STAU2: variants seen among roughly 807,000 people sequenced by gnomAD.
STAU2 encodes the protein staufen double-stranded RNA binding protein 2.
A neutral mutation model predicts 65.9 loss-of-function variants in STAU2; 20 were observed. The observed-to-expected ratio is 0.30, with a 90% CI of 0.21 to 0.44. The LOEUF is 0.44. Among genes scored for constraint, STAU2 ranks in the 20% least tolerant of loss-of-function variants. STAU2 has a pLI of 1.00. For synonymous variants in STAU2, 232 were observed against 233.9 expected, an observed-to-expected ratio of 0.99 and a Z score of 0.07; for missense variants, 558 against 683.9, an observed-to-expected ratio of 0.82 and a Z score of 2.05.
At chr8:73,717,928 G>C (rs1821369000) in intron 3 of STAU2, among the ~76,000 whole-genome samples, 1 of 152,132 alleles carries the variant, frequency 6.6e-6, no homozygotes, top group Non-Finnish European at 1.5e-5. Context: ...TGCAAAGATT[G>C]AAATATAAGT....
intron 14 of STAU2, 150 bp downstream of exon 14, chr8:73,422,464 G>C (rs995200939): frequency 1.7e-6 from 1 of 598,632 alleles, no homozygotes; most frequent in African/African-American, 2.0e-5. Context: ...CATATATACT[G>C]GTTTTCATTT....
chr8:73,530,266 G>C (rs549351410), intron 13 of STAU2, among the ~76,000 whole-genome samples: 24 of 152,298 alleles, frequency 1.6e-4, no homozygotes, highest in Non-Finnish European at 2.9e-4. Context: ...TAATCTCAGT[G>C]AGATTTTCTC....
chr8:73,740,109 A>T (rs1348684657), intron 1 of STAU2, among the ~76,000 whole-genome samples: 1 of 152,210 alleles, frequency 6.6e-6, no homozygotes, highest in Admixed American at 6.5e-5. Flanking sequence ...AGCCACATGA[A>T]TGAGTTCAGA....
intron 6 of STAU2, among the ~76,000 whole-genome samples, chr8:73,618,670 T>C (rs1051743898): frequency 2.0e-5 from 3 of 152,306 alleles, no homozygotes; most frequent in South Asian, 4.2e-4. Flanking sequence ...CTGACTACTA[T>C]TTTGAGGACA....
chr8:73,650,995 G>C (rs1007001276), intron 6 of STAU2, among the ~76,000 whole-genome samples: 9 of 152,198 alleles, frequency 5.9e-5, no homozygotes, highest in Non-Finnish European at 1.3e-4. Context: ...TCCTGCCCCT[G>C]GCCAGCCCTG....
chr8:73,492,506 T>C (rs1040944785), intron 13 of STAU2, among the ~76,000 whole-genome samples: 1 of 151,854 alleles, frequency 6.6e-6, no homozygotes, highest in Non-Finnish European at 1.5e-5. Flanking sequence ...AAATACTTTC[T>C]ACATGATTCA....
In STAU2 at chr8:73,471,817, TA is replaced by T. The variant is rs569600617; in HGVS notation, c.1531-49116del. On this transcript the variant is annotated intron_variant, in intron 13 of 14. Transcript: ENST00000524300. The stretch of plus-strand genomic sequence containing the variant: ...TGGGCAACAAGGGCGAGACTCCAAC[TA>T]AAAAAAAAAAAAAAAAAAAGAGAGA... 2.4e-3 allele frequency among the ~76,000 whole-genome samples: 207 copies of T among 86,808 alleles called. 1 individual carries two copies. Among genetic ancestry groups the T allele is most frequent in the Non-Finnish European group, 2.9e-3 (136 of 47,078 alleles). 56.9% of individuals were successfully genotyped at this position (86,808 alleles called of 152,430 possible).
intron 13 of STAU2, among the ~76,000 whole-genome samples, chr8:73,452,329 T>C (rs1255641479): frequency 6.6e-6 from 1 of 152,078 alleles, no homozygotes; most frequent in Non-Finnish European, 1.5e-5. Flanking sequence ...AAGGGCCCAT[T>C]TGCAGCACCT....
intron 4 of STAU2, among the ~76,000 whole-genome samples, chr8:73,707,302 A>T (rs1396903756): frequency 1.3e-5 from 2 of 152,240 alleles, no homozygotes; most frequent in Non-Finnish European, 2.9e-5. Flanking sequence ...TACTAGACGG[A>T]ATGAACTAGA....
intron 5 of STAU2, among the ~76,000 whole-genome samples, chr8:73,680,924 A>G (rs1391799555): frequency 6.6e-6 from 1 of 152,048 alleles, no homozygotes; most frequent in Non-Finnish European, 1.5e-5. Context: ...GACAAAGGAA[A>G]AAGAATTTTA....
chr8:73,617,736 C>T (rs923818945), intron 6 of STAU2, among the ~76,000 whole-genome samples: 9 of 152,264 alleles, frequency 5.9e-5, no homozygotes, highest in East Asian at 5.8e-4. Flanking sequence ...GAGAAGTTTT[C>T]GGTCAGATTT....
intron 12 of STAU2, among the ~76,000 whole-genome samples, chr8:73,555,149 A>G (rs536490938): frequency 3.8e-4 from 58 of 152,308 alleles, no homozygotes; most frequent in African/African-American, 1.4e-3. Flanking sequence ...GGGAATGGGA[A>G]AGGAGAAGTG....
intron 13 of STAU2, among the ~76,000 whole-genome samples, chr8:73,540,398 C>G (rs1806466740): frequency 6.6e-6 from 1 of 152,186 alleles, no homozygotes; most frequent in African/African-American, 2.4e-5. Flanking sequence ...TTCTTCAGAG[C>G]CTCTAGAAGG....
At chr8:73,529,432 G>A (rs181261556) in intron 13 of STAU2, among the ~76,000 whole-genome samples, 18 of 152,094 alleles carry the variant, frequency 1.2e-4, no homozygotes, top group Middle Eastern at 3.4e-3. Context: ...TTACCCTTTC[G>A]ACACCAACTG....
chr8:73,557,949 T>C (rs1807913684), intron 12 of STAU2, among the ~76,000 whole-genome samples: 1 of 152,228 alleles, frequency 6.6e-6, no homozygotes, highest in Non-Finnish European at 1.5e-5. Context: ...TTACTTCTCA[T>C]TTAATTCCCA....
At chr8:73,443,972 C>A (rs1818332917) in intron 13 of STAU2, among the ~76,000 whole-genome samples, 1 of 152,120 alleles carries the variant, frequency 6.6e-6, no homozygotes, top group Non-Finnish European at 1.5e-5. Flanking sequence ...TGTTCCTGGG[C>A]AGTAGACCCT....
chr8:73,720,582 G>A lies in STAU2; in HGVS notation c.-17-11420C>T, dbSNP rs796744089. On this transcript the variant is annotated intron_variant, in intron 3 of 14. Transcript: ENST00000524300. ...CTGCGGACTGCAGTGGCGCAATCTC[G>A]GCTCACTGCAAGCTCCGCTTCCCGG... Among the ~76,000 whole-genome samples the A allele has an allele frequency of 9.6e-5, 6 of 62,690 alleles. 3 individuals are homozygous for A. Among genetic ancestry groups the A allele is most frequent in the South Asian group, 1.4e-3 (2 of 1,470 alleles). The allele number at this position is 62,690 out of a possible 152,430, so 41.1% of individuals were successfully genotyped here.
chr8:73,737,898 TAA>T (rs78894120), intron 3 of STAU2, among the ~76,000 whole-genome samples: 4 of 134,754 alleles, frequency 3.0e-5, no homozygotes, highest in African/African-American at 2.7e-5. Flanking sequence ...AAGTGAACTT[TAA>T]AAAAAAAAAA....
At chr8:73,523,487 T>C (rs1221549420) in intron 13 of STAU2, among the ~76,000 whole-genome samples, 3 of 152,106 alleles carry the variant, frequency 2.0e-5, no homozygotes, top group Non-Finnish European at 4.4e-5. Context: ...TGTAGTTCAG[T>C]GAATTTGACA....
Sources: allele counts gnomAD v4.1 joint callset (sites outside exome capture counted in the v4.1 genomes callset), GRCh38; gene constraint gnomAD v4.1.1; transcripts MANE v1.5; gene names NCBI Gene and HGNC (gene_info 2026-07-23, HGNC 2026-07-21).